CDH23: variants seen among roughly 807,000 people sequenced by gnomAD.
CDH23 encodes the protein cadherin-23.
CDH23 carries 189 observed loss-of-function variants against 317.1 expected under a neutral mutation model. The ratio of observed to expected loss-of-function variants is 0.60; its 90% CI spans 0.53 to 0.67. The LOEUF (loss-of-function observed/expected upper bound fraction) is 0.67. Among genes scored for constraint, CDH23 ranks in the 30% least tolerant of loss-of-function variants. CDH23 has a pLI of 0.00. For missense variants in CDH23, 4,401 were observed against 4,592.4 expected (o/e 0.96, Z 1.20); for synonymous variants, 1,839 against 1,876.8 (o/e 0.98, Z 0.52).
At position 71,677,659 on chromosome 10, in the gene CDH23, A is replaced by T; in HGVS notation, c.1718A>T (p.Asn573Ile). The change falls in exon 16 of 70, where the codon AAC (asparagine) becomes ATC (isoleucine). Residue 573 changes from asparagine (N) to isoleucine (I), a missense_variant. Asn to Ile is a moderately radical substitution (Grantham distance 149). Coordinates refer to ENST00000224721, the MANE Select transcript of CDH23 (RefSeq NM_022124.6). ...GCCTACGTGGGTGCTCTGCGGGAGA[A>T]CGAGCCTTCTGTCACACAGCTGGTG... ...KDAYVGALRE[N>I]EPSVTQLVRL... The T allele has an allele frequency of 6.3e-7, 1 of 1,575,334 alleles. No homozygotes were observed. The highest frequency in any genetic ancestry group is 8.6e-7 in the Non-Finnish European group (1 of 1,160,730).
intron 6 of CDH23, among the ~76,000 whole-genome samples, chr10:71,514,704 C>G (rs115255159): frequency 6.6e-6 from 1 of 152,176 alleles, no homozygotes. Flanking sequence ...GTGAAAGGCC[C>G]TGCAATTCAC....
chr10:71,619,601 GT>G, intron 11 of CDH23, among the ~76,000 whole-genome samples: 1 of 152,356 alleles, frequency 6.6e-6, no homozygotes, highest in African/African-American at 2.4e-5. Context: ...GCAGTGAGGG[GT>G]CAGCTGTGGG....
chr10:71,756,752 C>T (rs1840159556), intron 38 of CDH23, among the ~76,000 whole-genome samples: 1 of 152,202 alleles, frequency 6.6e-6, no homozygotes, highest in Non-Finnish European at 1.5e-5. Context: ...AAAAGATGGG[C>T]TGGGATACCT....
chr10:71,465,158 TGCAG>T (rs1410139550), intron 3 of CDH23, among the ~76,000 whole-genome samples: 1 of 152,274 alleles, frequency 6.6e-6, no homozygotes, highest in Admixed American at 6.5e-5. Context: ...CTGGCCACAC[TGCAG>T]GTGTTGGGCA....
intron 38 of CDH23, among the ~76,000 whole-genome samples, chr10:71,770,562 G>C (rs1050212114): frequency 3.3e-5 from 5 of 152,220 alleles, no homozygotes; most frequent in Non-Finnish European, 5.9e-5. Flanking sequence ...TCCCCTGGGA[G>C]ACCAGACTGA....
chr10:71,789,004 G>A lies in CDH23; in HGVS notation c.5885G>A (p.Ser1962Asn). ...GACAACCACCCCCTCTTCACTAAAA[G>A]CACCTACCAGGCAGAGGTGATGGAA... is the stretch of plus-strand genomic sequence containing the variant. ...ENDNHPLFTK[S>N]TYQAEVMENS... The change falls in exon 45 of 70, where the codon AGC becomes AAC. Residue 1962 changes from serine (S) to asparagine (N), a missense_variant. This residue lies in a region of CDH23 where 3,068 missense variants were observed against 3,203.3 expected (regional missense o/e 0.96). Transcript: ENST00000224721. 6.2e-7 allele frequency: 1 copy of A among 1,601,370 alleles called. No homozygotes were observed. The highest frequency in any genetic ancestry group is 8.6e-7 in the Non-Finnish European group (1 of 1,168,430).
chr10:71,513,760 C>A (rs559277321), intron 6 of CDH23, among the ~76,000 whole-genome samples: 1 of 152,194 alleles, frequency 6.6e-6, no homozygotes, highest in African/African-American at 2.4e-5. Context: ...GGGAGTTGAA[C>A]CCAGCCCCTT....
chr10:71,588,526 T>TA (rs57961431), intron 9 of CDH23, among the ~76,000 whole-genome samples: 3 of 152,026 alleles, frequency 2.0e-5, no homozygotes, highest in Non-Finnish European at 4.4e-5. Context: ...TTATTAGCAT[T>TA]AAAAAAATTA....
rs562475871 is a variant in CDH23, at chr10:71,617,226, C to A, written c.967C>A (p.Arg323Ser). 1 of 1,613,824 alleles carries A rather than the reference C, an allele frequency of 6.2e-7. No homozygotes were observed. The highest frequency in any genetic ancestry group is 1.3e-5 in the African/African-American group (1 of 75,026). ...ATAGGGCACGGAGCTGAACGATGAC[C>A]GCACCCCATCTGACGCTACAGTCAC... ...TVKGTELNDDRTPSDATVTTT... is the reference protein window; with the variant it reads ...TVKGTELNDDSTPSDATVTTT... Residue 323 changes from arginine (R) to serine (S), a missense_variant, in exon 11 of 70, where the codon CGC becomes AGC. Physicochemically the swap from Arg to Ser is moderately radical, Grantham distance 110. Around this residue, in one of 3 missense-constraint regions of CDH23, gnomAD observed 3,068 missense variants for 3,203.3 expected, o/e 0.96. Transcript: ENST00000224721.
At chr10:71,459,430 A>T (rs1038721645) in intron 3 of CDH23, among the ~76,000 whole-genome samples, 1 of 152,272 alleles carries the variant, frequency 6.6e-6, no homozygotes, top group Non-Finnish European at 1.5e-5. Flanking sequence ...AAGCACTAGG[A>T]GAAGTTAACT....
chr10:71,718,609 C>T (rs1315378641), intron 28 of CDH23, among the ~76,000 whole-genome samples: 1 of 152,252 alleles, frequency 6.6e-6, no homozygotes, highest in Admixed American at 6.5e-5. Context: ...CTCTCCTACC[C>T]TGGACAATGC....
chr10:71,809,335 TG>T (rs1841842209), intron 60 of CDH23, among the ~76,000 whole-genome samples: 1 of 152,044 alleles, frequency 6.6e-6, no homozygotes, highest in African/African-American at 2.4e-5. Context: ...TGCACCACCA[TG>T]CCTGGCTAGA....
At chr10:71,540,454 T>A (rs563882753) in intron 6 of CDH23, among the ~76,000 whole-genome samples, 1 of 152,196 alleles carries the variant, frequency 6.6e-6, no homozygotes, top group Non-Finnish European at 1.5e-5. Context: ...CTACTGGCCC[T>A]TGGAGATTGA....
intron 38 of CDH23, among the ~76,000 whole-genome samples, chr10:71,767,533 G>T (rs530068257): frequency 1.3e-5 from 2 of 152,172 alleles, no homozygotes; most frequent in African/African-American, 4.8e-5. Flanking sequence ...CCAGCTCCCC[G>T]CCAGGCCCCA....
intron 9 of CDH23, among the ~76,000 whole-genome samples, chr10:71,613,189 G>T (rs1028098973): frequency 2.0e-5 from 3 of 152,214 alleles, no homozygotes; most frequent in African/African-American, 7.2e-5. Flanking sequence ...TTTGTTGAAT[G>T]AATGAACAGA....
chr10:71,507,727 C>T (rs1000635333), intron 3 of CDH23, among the ~76,000 whole-genome samples: 30 of 152,232 alleles, frequency 2.0e-4, no homozygotes, highest in Non-Finnish European at 2.6e-4. Flanking sequence ...TCAAATGCTG[C>T]TCCCAATGTC....
intron 3 of CDH23, among the ~76,000 whole-genome samples, chr10:71,494,306 T>G (rs902665456): frequency 5.3e-5 from 8 of 152,176 alleles, no homozygotes; most frequent in Non-Finnish European, 1.2e-4. Flanking sequence ...CCTTTGGGGC[T>G]AATTTCCTGC....
In CDH23 at chr10:71,406,668, TA is replaced by T. The variant is rs71480582; in HGVS notation, c.-6+9359del. Reference sequence around the variant, plus strand: ...TTCAAAAGAATCTAAACATCGAGATTAAAAAAAAATCTTTCTATTTGAGATG... The same window carrying T: ...TTCAAAAGAATCTAAACATCGAGATTAAAAAAAATCTTTCTATTTGAGATG... On this transcript the variant is annotated intron_variant, in intron 1 of 69. Coordinates refer to ENST00000224721, the MANE Select transcript of CDH23 (RefSeq NM_022124.6). Among the ~76,000 whole-genome samples the T allele has an allele frequency of 2.8e-3, 428 of 151,986 alleles. 2 individuals are homozygous for T. The highest frequency in any genetic ancestry group is 9.6e-3 in the African/African-American group (399 of 41,464).
intron 9 of CDH23, among the ~76,000 whole-genome samples, chr10:71,609,727 C>T (rs770440620): frequency 2.0e-5 from 3 of 152,214 alleles, no homozygotes; most frequent in Non-Finnish European, 2.9e-5. Flanking sequence ...GTGCCATAAA[C>T]AGCAGCCTCG....
Sources: allele counts gnomAD v4.1 joint callset (sites outside exome capture counted in the v4.1 genomes callset), GRCh38; gene constraint gnomAD v4.1.1; regional missense constraint gnomAD v4.1.1; transcripts MANE v1.5; gene names NCBI Gene and HGNC (gene_info 2026-07-23, HGNC 2026-07-21).